The following XYLT1 variants were observed in gnomAD, a reference collection of about 807,000 sequenced individuals.
The protein encoded by XYLT1 is xylosyltransferase 1, also known as beta-D-xylosyltransferase 1.
In XYLT1, 36 loss-of-function variants were observed where a neutral mutation model predicts 91.3. The observed-to-expected ratio is 0.39, with a 90% confidence interval of 0.30 to 0.52. XYLT1 has a LOEUF of 0.52. Among genes scored for constraint, XYLT1 ranks in the 20% least tolerant of loss-of-function variants. XYLT1 has a pLI of 0.68. For synonymous variants in XYLT1, 588 were observed against 532.0 expected (o/e 1.11, Z -1.45); for missense variants, 1,242 against 1,284.5 (o/e 0.97, Z 0.51).
chr16:17,154,292 A>G (rs1379554778), intron 6 of XYLT1, among the ~76,000 whole-genome samples: 1 of 152,192 alleles, frequency 6.6e-6, no homozygotes, highest in Non-Finnish European at 1.5e-5. Context: ...TCCAGCATCT[A>G]TGCTCTGGCA....
chr16:17,461,023 A>G lies in XYLT1; in HGVS notation c.363+9411T>C, dbSNP rs191292654. On this transcript the variant is annotated intron_variant, in intron 1 of 11. Transcript: ENST00000261381. ...CAGACAAGGAGACTGAGCTCCAGAG[A>G]GGCAAAGTGCCATACCACCGATGAT... 1.1e-4 allele frequency among the ~76,000 whole-genome samples: 17 copies of G among 152,270 alleles called. No homozygotes were observed. In the East Asian group the frequency reaches 3.3e-3, roughly 29 times the overall value.
chr16:17,109,025 C>T lies in XYLT1; in HGVS notation c.2558-8G>A, dbSNP rs372238772. ...GCAGCTTCAGTGCCTCCTCTGAAAG[C>T]CAAAGGGAACAATTTCAGGATCAGA... On this transcript the variant is annotated splice_polypyrimidine_tract_variant and splice_region_variant and intron_variant, in intron 11 of 11. Coordinates refer to ENST00000261381, the MANE Select transcript of XYLT1 (RefSeq NM_022166.4). The T allele has an allele frequency of 2.7e-6, 4 of 1,498,908 alleles. No individual in the cohort carries two copies. The highest frequency in any genetic ancestry group is 3.6e-6 in the Non-Finnish European group (4 of 1,121,486). The allele number at this position is 1,498,908 out of a possible 1,614,324, so 92.9% of individuals were successfully genotyped here. A position where few individuals can be genotyped will look rare whatever the true frequency, so the allele number is the denominator to read the frequency against.
chr16:17,406,141 C>T lies in XYLT1; in HGVS notation c.364-48091G>A, dbSNP rs1438839780. ...TGGAGGCTGCAATGGGCTGAGATTG[C>T]ACCACTGCAGCCTAGCCTGGGCAAC... On this transcript the variant is annotated intron_variant, in intron 1 of 11. Coordinates refer to ENST00000261381, the MANE Select transcript of XYLT1 (RefSeq NM_022166.4). Among the ~76,000 whole-genome samples the T allele has an allele frequency of 3.3e-5, 5 of 152,302 alleles. No homozygotes were observed. The East Asian group carries it at 9.6e-4, about 29-fold the overall frequency.
At chr16:17,118,967 A>AC (rs981408885) in intron 10 of XYLT1, among the ~76,000 whole-genome samples, 3 of 151,332 alleles carry the variant, frequency 2.0e-5, no homozygotes, top group African/African-American at 4.9e-5. Flanking sequence ...TTATCTGACC[A>AC]CCCCCCACCC....
chr16:17,418,868 A>G (rs989319573), intron 1 of XYLT1, among the ~76,000 whole-genome samples: 1 of 151,746 alleles, frequency 6.6e-6, no homozygotes, highest in Non-Finnish European at 1.5e-5. Flanking sequence ...TAAATAAATA[A>G]AAAGGCTGTT....
chr16:17,345,804 G>A (rs538722258), intron 2 of XYLT1, among the ~76,000 whole-genome samples: 1 of 119,822 alleles, frequency 8.3e-6, no homozygotes, highest in East Asian at 2.0e-4. Context: ...TACTTCAACC[G>A]TTTTTATTTA....
At chr16:17,282,964 C>CCA (rs199732944) in intron 2 of XYLT1, among the ~76,000 whole-genome samples, 67 of 152,014 alleles carry the variant, frequency 4.4e-4, no homozygotes, top group Admixed American at 2.7e-3. Flanking sequence ...TAAGTCACCC[C>CCA]CCCCAAGTCA....
chr16:17,414,668 A>C (rs2036157325), intron 1 of XYLT1, among the ~76,000 whole-genome samples: 1 of 152,124 alleles, frequency 6.6e-6, no homozygotes, highest in South Asian at 2.1e-4. Context: ...GCAAAGGGAG[A>C]TGAAAAACAA....
intron 5 of XYLT1, among the ~76,000 whole-genome samples, chr16:17,181,496 AAAATGCCCAATTCCGG>A (rs1442564006): frequency 6.6e-6 from 1 of 152,218 alleles, no homozygotes; most frequent in African/African-American, 2.4e-5. Context: ...TCCTTGTTAA[AAAATGCCCAATTCCGG>A]ATTAGGTCCT....
intron 2 of XYLT1, among the ~76,000 whole-genome samples, chr16:17,344,326 AC>A (rs1477197449): frequency 5.4e-5 from 8 of 148,362 alleles, no homozygotes; most frequent in Non-Finnish European, 1.0e-4. Context: ...ACTAAAAAAT[AC>A]AAAAAAAAAA....
At chr16:17,282,940 C>G (rs758843412) in intron 2 of XYLT1, among the ~76,000 whole-genome samples, 1 of 150,830 alleles carries the variant, frequency 6.6e-6, no homozygotes, top group Non-Finnish European at 1.5e-5. Flanking sequence ...GACAATGAAA[C>G]TGACACACAG....
In XYLT1 at chr16:17,259,454, G is replaced by A. The variant is rs769797276; in HGVS notation, c.447C>T (p.Asp149=). ...TGGGGACAGAGTTCTCGTTGTTGCT[G>A]TCTGTTCGCACTTTCTCTTTCGGCC... ...SHRPKEKVRT[D]SNNENSVPKD... Residue 149 remains aspartate (D), a synonymous_variant, in exon 3 of 12, where the codon GAC becomes GAT. Transcript: ENST00000261381. The A allele has an allele frequency of 2.0e-5, 32 of 1,613,060 alleles. No individual in the cohort carries two copies. The East Asian group carries it at 6.5e-4, about 33-fold the overall frequency.
intron 5 of XYLT1, among the ~76,000 whole-genome samples, chr16:17,185,911 G>A (rs1477904561): frequency 6.6e-6 from 1 of 152,052 alleles, no homozygotes; most frequent in African/African-American, 2.4e-5. Context: ...TGAAGCAGGA[G>A]AATCACTTGA....
At chr16:17,222,482 A>G (rs1394719396) in intron 3 of XYLT1, among the ~76,000 whole-genome samples, 2 of 152,178 alleles carry the variant, frequency 1.3e-5, no homozygotes, top group East Asian at 3.9e-4. Context: ...AGATTGTCTG[A>G]GGAGCTTATT....
rs906947860 is a variant in XYLT1 at position 17,230,241 on chromosome 16, C to A, written c.913+28747G>T. Reference sequence around the variant, plus strand: ...TAGGGAACTAAAACAAAGAGCCAAACCCACCAGGGCTGCGAGAGGAATGTG... The same window carrying A: ...TAGGGAACTAAAACAAAGAGCCAAAACCACCAGGGCTGCGAGAGGAATGTG... On this transcript the variant is annotated intron_variant, in intron 3 of 11. Coordinates refer to ENST00000261381, the MANE Select transcript of XYLT1 (RefSeq NM_022166.4). Among the ~76,000 whole-genome samples the A allele has an allele frequency of 3.9e-4, 59 of 152,282 alleles. 1 individual carries two copies. The highest frequency in any genetic ancestry group is 1.3e-3 in the African/African-American group (56 of 41,550).
At chr16:17,210,886 C>T (rs1271437371) in intron 3 of XYLT1, among the ~76,000 whole-genome samples, 2 of 152,214 alleles carry the variant, frequency 1.3e-5, no homozygotes, top group Non-Finnish European at 2.9e-5. Context: ...CACTCCCCTA[C>T]TGAACTTCCT....
At chr16:17,277,882 T>C (rs749818097) in intron 2 of XYLT1, among the ~76,000 whole-genome samples, 1 of 152,186 alleles carries the variant, frequency 6.6e-6, no homozygotes, top group Non-Finnish European at 1.5e-5. Flanking sequence ...ATGTGGGAAC[T>C]GAGGCTCACA....
intron 5 of XYLT1, among the ~76,000 whole-genome samples, chr16:17,186,645 G>A (rs867083983): frequency 6.6e-6 from 1 of 152,112 alleles, no homozygotes; most frequent in East Asian, 1.9e-4. Flanking sequence ...GATTTGACCC[G>A]GCTGAGAAGC....
At chr16:17,458,128 T>C (rs2036768217) in intron 1 of XYLT1, among the ~76,000 whole-genome samples, 2 of 152,222 alleles carry the variant, frequency 1.3e-5, no homozygotes, top group African/African-American at 4.8e-5. Context: ...AAAATTATCA[T>C]GCCGTCCTTG....
Sources: gnomAD v4.1 joint callset for allele counts (sites outside exome capture counted in the v4.1 genomes callset) on GRCh38, gnomAD v4.1.1 for gene constraint, MANE v1.5 for transcripts, NCBI Gene and HGNC (gene_info 2026-07-23, HGNC 2026-07-21) for gene names.